Variants in GSAP observed in about 807,000 individuals in gnomAD.
The protein encoded by GSAP is gamma-secretase-activating protein.
A neutral mutation model predicts 131.7 loss-of-function variants in GSAP; 118 were observed. The observed-to-expected ratio is 0.90, with a 90% CI of 0.77 to 1.04. GSAP has a LOEUF of 1.04. Among genes scored for constraint, GSAP ranks in the 50% least tolerant of loss-of-function variants. The probability of loss-of-function intolerance (pLI) is 0.00; values close to 1 mark genes in which losing one functional copy is unlikely to be tolerated. For missense variants in GSAP, 1,019 were observed against 1,013.2 expected (o/e 1.01, Z -0.08); for synonymous variants, 381 against 363.4 (o/e 1.05, Z -0.55).
At chr7:77,413,277 G>T (rs568709804) in intron 1 of GSAP, among the ~76,000 whole-genome samples, 47 of 152,320 alleles carry the variant, frequency 3.1e-4, no homozygotes, top group Non-Finnish European at 6.3e-4. Context: ...AAATGGAGTT[G>T]TCCCATGTTC....
chr7:77,313,496 G>A lies in GSAP; in HGVS notation c.2263C>T (p.Leu755Phe), dbSNP rs2150579895. Reference sequence around the variant, plus strand: ...ATGTAACTCAGTATTACCGGAGGAAGCCGCACAATGATACTGAATTTCAGT... The same window carrying A: ...ATGTAACTCAGTATTACCGGAGGAAACCGCACAATGATACTGAATTTCAGT... ...EKLKFSIIVR[L>F]PPLIGQKICR... Residue 755 changes from leucine to phenylalanine, a missense_variant, in exon 28 of 31, where the codon CTT becomes TTT. Transcript: ENST00000257626. 2 of 1,549,608 alleles carry A rather than the reference G, an allele frequency of 1.3e-6. No homozygotes were observed. Among genetic ancestry groups the A allele is most frequent in the East Asian group, 2.2e-5 (1 of 44,482 alleles).
intron 3 of GSAP, among the ~76,000 whole-genome samples, chr7:77,401,996 T>C (rs1437058257): frequency 2.0e-5 from 3 of 152,236 alleles, no homozygotes; most frequent in Non-Finnish European, 2.9e-5. Flanking sequence ...ATTAATTTAT[T>C]GGTTTTAATA....
chr7:77,386,635 G>A (rs1285840989), intron 6 of GSAP, among the ~76,000 whole-genome samples: 2 of 152,120 alleles, frequency 1.3e-5, no homozygotes, highest in East Asian at 3.8e-4. Flanking sequence ...TTGCACTTAG[G>A]AACACTAGAC....
rs774284926 is a variant in GSAP, at chr7:77,311,311, T to A, written c.*47A>T. 2.2e-5 allele frequency: 23 copies of A among 1,039,506 alleles called. No homozygotes were observed. In the East Asian group the frequency reaches 5.4e-4, roughly 25 times the overall value. The allele number at this position is 1,039,506 out of a possible 1,614,324, so 64.4% of individuals were successfully genotyped here. A position where few individuals can be genotyped will look rare whatever the true frequency, so the allele number is the denominator to read the frequency against. ...AGAATTCTCAAAGGAGTAAGGTTAA[T>A]GAGCAAGATTAAAATGGCAGCAGCA... On this transcript the variant is annotated 3_prime_UTR_variant, in exon 31 of 31. Coordinates refer to ENST00000257626, the MANE Select transcript of GSAP (RefSeq NM_017439.4).
rs1462403710 is a variant in GSAP, at chr7:77,330,314, A to C, written c.1599T>G (p.Val533=). 1 of 1,613,816 alleles carries C rather than the reference A, an allele frequency of 6.2e-7. No homozygotes were observed. The highest frequency in any genetic ancestry group is 8.5e-7 in the Non-Finnish European group (1 of 1,179,908). ...WEKLNSNLEY[V]KYAKPHFHYN... ...AGTGGAAGTGTGGCTTGGCGTACTT[A>C]ACATATTCTAGGTTGGAGTTCAGTT... The change falls in exon 20 of 31, where the codon GTT becomes GTG. Residue 533 remains valine (V), a synonymous_variant. Coordinates refer to ENST00000257626, the MANE Select transcript of GSAP (RefSeq NM_017439.4).
intron 12 of GSAP, among the ~76,000 whole-genome samples, chr7:77,373,239 T>C (rs780150519): frequency 1.3e-5 from 2 of 152,198 alleles, no homozygotes; most frequent in Non-Finnish European, 2.9e-5. Context: ...ATGTCTAAAA[T>C]CTGTGCCAAA....
chr7:77,329,305 A>G (rs200605516), intron 21 of GSAP, 28 bp downstream of exon 21: 20 of 1,288,564 alleles, frequency 1.6e-5, no homozygotes, highest in Non-Finnish European at 2.2e-5. Flanking sequence ...ACCATCTTAC[A>G]GATATGATAA....
intron 19 of GSAP, among the ~76,000 whole-genome samples, chr7:77,335,448 C>A (rs1473651640): frequency 6.6e-6 from 1 of 152,130 alleles, no homozygotes; most frequent in African/African-American, 2.4e-5. Context: ...ATGTTAGAAG[C>A]AATCACATCC....
intron 5 of GSAP, among the ~76,000 whole-genome samples, chr7:77,389,437 C>A (rs183924501): frequency 2.0e-4 from 31 of 151,430 alleles, no homozygotes; most frequent in South Asian, 1.0e-3. Flanking sequence ...TCCCTCCCCC[C>A]CTCCCCACCC....
At chr7:77,406,570 T>TA (rs1201574078) in intron 1 of GSAP, among the ~76,000 whole-genome samples, 1 of 152,234 alleles carries the variant, frequency 6.6e-6, no homozygotes, top group African/African-American at 2.4e-5. Context: ...AGTACTCAAT[T>TA]AAAACAAGAT....
intron 5 of GSAP, among the ~76,000 whole-genome samples, chr7:77,391,390 T>C (rs1226367530): frequency 6.6e-6 from 1 of 152,114 alleles, no homozygotes; most frequent in Non-Finnish European, 1.5e-5. Flanking sequence ...TAACATACCA[T>C]GTGCTTTCAC....
intron 26 of GSAP, 69 bp from the exon 27 acceptor site, chr7:77,314,558 A>G: frequency 6.3e-7 from 1 of 1,575,494 alleles, no homozygotes; most frequent in Non-Finnish European, 8.7e-7. Context: ...GGAATGGATT[A>G]GATCATGTTA....
intron 12 of GSAP, among the ~76,000 whole-genome samples, chr7:77,371,461 G>A (rs1796115647): frequency 7.2e-6 from 1 of 139,254 alleles, no homozygotes; most frequent in African/African-American, 2.7e-5. Context: ...TTAAGACAGA[G>A]TCTTGCTCTG....
At chr7:77,335,254 A>G (rs1789810119) in intron 19 of GSAP, among the ~76,000 whole-genome samples, 1 of 151,790 alleles carries the variant, frequency 6.6e-6, no homozygotes, top group Non-Finnish European at 1.5e-5. Context: ...GCAAAAAATT[A>G]GCCCGGCATG....
intron 12 of GSAP, among the ~76,000 whole-genome samples, chr7:77,371,689 G>A (rs940077372): frequency 6.6e-6 from 1 of 152,088 alleles, no homozygotes; most frequent in Non-Finnish European, 1.5e-5. Flanking sequence ...TGCCCGCCTC[G>A]GCCTCCCGAA....
At position 77,387,390 on chromosome 7, in the gene GSAP, T is replaced by A; in HGVS notation, c.426A>T (p.Leu142=). 1 of 1,600,836 alleles carries A rather than the reference T, an allele frequency of 6.2e-7. No homozygotes were observed. Among genetic ancestry groups the A allele is most frequent in the Admixed American group, 1.7e-5 (1 of 59,980 alleles). ...EIHPVNNVKV[L]KAVDSYIWVQ... ...CCCAAATATAGCTATCCACAGCCTT[T>A]AGAACCTTCACATTGTTAACAGGGT... The change falls in exon 6 of 31, where the codon CTA becomes CTT. Residue 142 remains leucine, a synonymous_variant. Coordinates refer to ENST00000257626, the MANE Select transcript of GSAP (RefSeq NM_017439.4).
chr7:77,402,554 C>T (rs1801516026), intron 3 of GSAP, among the ~76,000 whole-genome samples: 1 of 116,738 alleles, frequency 8.6e-6, no homozygotes, highest in Non-Finnish European at 1.7e-5. Context: ...GAGATGGCGC[C>T]ACTGCACTCC....
chr7:77,414,923 T>TCTCG (rs1804048620), intron 1 of GSAP, among the ~76,000 whole-genome samples: 1 of 130,424 alleles, frequency 7.7e-6, no homozygotes, highest in South Asian at 2.6e-4. Flanking sequence ...AGTGGCGAGA[T>TCTCG]CTCGGCTCAC....
intron 12 of GSAP, among the ~76,000 whole-genome samples, chr7:77,363,932 C>T (rs1468359309): frequency 2.6e-5 from 4 of 151,946 alleles, no homozygotes; most frequent in African/African-American, 4.8e-5. Context: ...ATAAGAGTTA[C>T]AAAAGTCTCA....
Sources: gnomAD v4.1 joint callset for allele counts (sites outside exome capture counted in the v4.1 genomes callset) on GRCh38, gnomAD v4.1.1 for gene constraint, MANE v1.5 for transcripts, NCBI Gene and HGNC (gene_info 2026-07-23, HGNC 2026-07-21) for gene names.